Variants in DOCK10 observed in about 807,000 individuals in gnomAD.
The protein encoded by DOCK10 is dedicator of cytokinesis 10, also known as dedicator of cytokinesis protein 10.
DOCK10 carries 145 observed loss-of-function variants against 280.1 expected under a neutral mutation model. The observed-to-expected ratio is 0.52, with a 90% CI of 0.45 to 0.59. The LOEUF is 0.59. DOCK10 is among the 20% of genes least tolerant of loss of function. The pLI is 0.00. For synonymous variants in DOCK10, 915 were observed against 942.2 expected (o/e 0.97, Z 0.53); for missense variants, 2,368 against 2,651.7 (o/e 0.89, Z 2.35).
intron 41 of DOCK10, 115 bp from the exon 42 acceptor site, chr2:224,798,084 T>C: frequency 9.9e-7 from 1 of 1,013,844 alleles, no homozygotes; most frequent in East Asian, 2.6e-5. Flanking sequence ...GTGCTAGAAA[T>C]AAAGGATTGA....
intron 28 of DOCK10, among the ~76,000 whole-genome samples, chr2:224,822,799 T>C (rs1208532468): frequency 6.6e-6 from 1 of 152,056 alleles, no homozygotes; most frequent in Non-Finnish European, 1.5e-5. Context: ...GGCTATTTGG[T>C]ATCACTGTCA....
intron 4 of DOCK10, among the ~76,000 whole-genome samples, chr2:224,895,625 C>A (rs1036617901): frequency 6.6e-5 from 10 of 152,098 alleles, no homozygotes; most frequent in Non-Finnish European, 1.3e-4. Flanking sequence ...GGGAAAAGTC[C>A]CTGCCCTTTG....
At chr2:224,998,273 T>C (rs1299147216) in intron 1 of DOCK10, among the ~76,000 whole-genome samples, 1 of 150,124 alleles carries the variant, frequency 6.7e-6, no homozygotes, top group Non-Finnish European at 1.5e-5. Context: ...TTGCCTCTGT[T>C]GCTGCTTCTC....
chr2:224,893,829 T>C (rs1012173928), intron 4 of DOCK10, among the ~76,000 whole-genome samples: 2 of 152,202 alleles, frequency 1.3e-5, no homozygotes, highest in African/African-American at 4.8e-5. Context: ...AGAATTCTTC[T>C]AATCCAGGAG....
intron 1 of DOCK10, among the ~76,000 whole-genome samples, chr2:224,961,938 T>C (rs1423351903): frequency 6.6e-6 from 1 of 152,178 alleles, no homozygotes; most frequent in Non-Finnish European, 1.5e-5. Flanking sequence ...AAGATGTCAG[T>C]GACATCTTCT....
chr2:225,014,081 A>ATATATTTTTTTTTT (rs776104946), intron 1 of DOCK10, among the ~76,000 whole-genome samples: 4 of 96,824 alleles, frequency 4.1e-5, no homozygotes, highest in Admixed American at 1.1e-4. Context: ...GTCTGAATAT[A>ATATATTTTTTTTTT]TTGTTTTTTT....
Position 224,786,529 on chromosome 2 carries a change from T to C in DOCK10, c.5655+493A>G, listed in dbSNP as rs1691740337. On this transcript the variant is annotated intron_variant, in intron 50 of 55. Coordinates refer to ENST00000258390, the MANE Select transcript of DOCK10 (RefSeq NM_014689.3). This position sits in a 1 kb window ranked among gnomAD's most constrained non-coding sequence, Gnocchi z 4.7. ...TTGACTTGCAATATAGGAAACAAAA[T>C]AACCATCTGGTATTTTGTCTAGAAA... is the stretch of plus-strand genomic sequence containing the variant. Among the ~76,000 whole-genome samples, 2 of 152,118 alleles carry C rather than the reference T, an allele frequency of 1.3e-5. No individual in the cohort carries two copies. Among genetic ancestry groups the C allele is most frequent in the Admixed American group, 6.5e-5 (1 of 15,276 alleles).
chr2:224,953,654 T>A (rs1261414055), intron 1 of DOCK10, among the ~76,000 whole-genome samples: 1 of 152,134 alleles, frequency 6.6e-6, no homozygotes, highest in Non-Finnish European at 1.5e-5. Context: ...AAACGTACAG[T>A]TTTCAAAGTG....
chr2:224,830,531 A>T lies in DOCK10; in HGVS notation c.3036+10T>A. ...AAAATATTATAATATTATATTACTTATGTTCTTACCTGGATTTTATTTGTG... is the reference window on the plus strand; with the variant it reads ...AAAATATTATAATATTATATTACTTTTGTTCTTACCTGGATTTTATTTGTG... On this transcript the variant is annotated intron_variant, in intron 27 of 55. Coordinates refer to ENST00000258390, the MANE Select transcript of DOCK10 (RefSeq NM_014689.3). 7.3e-7 allele frequency: 1 copy of T among 1,366,230 alleles called. No individual in the cohort carries two copies. Among genetic ancestry groups the T allele is most frequent in the Non-Finnish European group, 9.8e-7 (1 of 1,017,878 alleles). The allele number at this position is 1,366,230 out of a possible 1,614,324, so 84.6% of individuals were successfully genotyped here.
intron 50 of DOCK10, among the ~76,000 whole-genome samples, chr2:224,783,431 C>T (rs891591953): frequency 2.6e-5 from 4 of 152,024 alleles, no homozygotes; most frequent in Non-Finnish European, 4.4e-5. Context: ...CTCGCCACCA[C>T]GTCCTACTAA....
chr2:224,979,331 A>G (rs972841437), intron 1 of DOCK10, among the ~76,000 whole-genome samples: 1 of 152,266 alleles, frequency 6.6e-6, no homozygotes, highest in Non-Finnish European at 1.5e-5. Context: ...AGGACAAGTC[A>G]TTCATCAAGA....
chr2:224,883,072 T>C (rs1379751283), intron 7 of DOCK10, among the ~76,000 whole-genome samples: 1 of 152,184 alleles, frequency 6.6e-6, no homozygotes, highest in Non-Finnish European at 1.5e-5. Context: ...GTGAACTCTT[T>C]AAAAGATACA....
intron 3 of DOCK10, among the ~76,000 whole-genome samples, chr2:224,899,138 T>G (rs991512498): frequency 6.6e-6 from 1 of 152,236 alleles, no homozygotes; most frequent in African/African-American, 2.4e-5. Context: ...TTGCATTCCC[T>G]TTCAATCCTT....
intron 30 of DOCK10, among the ~76,000 whole-genome samples, chr2:224,816,175 G>A (rs114310565): frequency 0.01 from 1,559 of 149,978 alleles, 25 homozygotes; most frequent in African/African-American, 0.036. Flanking sequence ...AGTTTTTGAT[G>A]TCTACATGGG....
rs1697739814 is a variant in DOCK10, at chr2:224,864,541, A to T, written c.1602+12T>A. The T allele has an allele frequency of 6.4e-7, 1 of 1,567,950 alleles. No homozygotes were observed. The highest frequency in any genetic ancestry group is 2.1e-5 in the Admixed American group (1 of 47,732). ...AAAAGGAAGTGAAGTTATTTATAAG[A>T]TTATACATTACCTTGTTGGAGTCTG... On this transcript the variant is annotated intron_variant, in intron 13 of 55. Coordinates refer to ENST00000258390, the MANE Select transcript of DOCK10 (RefSeq NM_014689.3).
chr2:224,936,337 C>A (rs1702692441), intron 1 of DOCK10, among the ~76,000 whole-genome samples: 1 of 151,898 alleles, frequency 6.6e-6, no homozygotes, highest in South Asian at 2.1e-4. Context: ...AGCACTGGTA[C>A]AAAAGGAAAG....
At chr2:224,871,450 G>A (rs776593395) in intron 11 of DOCK10, among the ~76,000 whole-genome samples, 2 of 152,040 alleles carry the variant, frequency 1.3e-5, no homozygotes, top group South Asian at 2.1e-4. Context: ...TGCAATAAAC[G>A]GTGGTAGTAG....
At chr2:224,892,788 G>A (rs1292785877) in intron 4 of DOCK10, among the ~76,000 whole-genome samples, 1 of 152,238 alleles carries the variant, frequency 6.6e-6, no homozygotes, top group Non-Finnish European at 1.5e-5. Context: ...TGAGGCTTGA[G>A]GGCTACTGAA....
intron 1 of DOCK10, among the ~76,000 whole-genome samples, chr2:224,987,958 C>T (rs776740558): frequency 1.3e-5 from 2 of 152,142 alleles, no homozygotes; most frequent in Non-Finnish European, 2.9e-5. Flanking sequence ...CTCTCTAAGC[C>T]TCAATAGTAT....
Sources: allele counts gnomAD v4.1 joint callset (sites outside exome capture counted in the v4.1 genomes callset), GRCh38; gene constraint gnomAD v4.1.1; non-coding constraint Gnocchi (gnomAD v3.1); transcripts MANE v1.5; gene names NCBI Gene and HGNC (gene_info 2026-07-23, HGNC 2026-07-21).